The following ERGIC1 variants were observed in gnomAD, a reference collection of about 807,000 sequenced individuals.
ERGIC1 encodes endoplasmic reticulum-Golgi intermediate compartment protein 1.
Under a neutral mutation model 38.3 loss-of-function variants are expected in ERGIC1, and 19 were observed. The ratio of observed to expected loss-of-function variants is 0.50; its 90% CI spans 0.35 to 0.73. The LOEUF is 0.73. Ranked by LOEUF, ERGIC1 falls within the 30% of genes least tolerant of loss-of-function variation. The pLI, the probability that ERGIC1 is intolerant of heterozygous loss-of-function variation, is 0.01. For synonymous variants in ERGIC1, 124 were observed against 157.6 expected, an observed-to-expected ratio of 0.79 and a Z score of 1.60; for missense variants, 294 against 389.2, an observed-to-expected ratio of 0.76 and a Z score of 2.06.
rs1471366050 is a variant in ERGIC1 at position 172,935,267 on chromosome 5, A to G, written c.722A>G (p.Lys241Arg). 2.0e-5 allele frequency: 33 copies of G among 1,614,068 alleles called. No individual in the cohort carries two copies. Among genetic ancestry groups the G allele is most frequent in the Non-Finnish European group, 2.8e-5 (33 of 1,180,044 alleles). ...FRYDLSPITVKYTERRQPLYR... is the reference protein window; with the variant it reads ...FRYDLSPITVRYTERRQPLYR... ...TACGACCTCAGCCCCATCACGGTCA[A>G]GTACACAGAGAGACGGCAGCCGCTG... Residue 241 changes from lysine to arginine, a missense_variant, in exon 9 of 10, where the codon AAG becomes AGG. This residue lies in a region of ERGIC1 where 109 missense variants were observed against 112.7 expected (regional missense o/e 0.97). Transcript: ENST00000393784.
chr5:172,918,309 G>A lies in ERGIC1; in HGVS notation c.375+3471G>A, dbSNP rs1023166892. ...TACTTTGTAATCCTATGCATTTTAC[G>A]CATTAAAACATTTTAAGCATTTAAA... On this transcript the variant is annotated intron_variant, in intron 5 of 9. Coordinates refer to ENST00000393784, the MANE Select transcript of ERGIC1 (RefSeq NM_001031711.3). The A allele has an allele frequency of 2.0e-5, 3 of 152,194 alleles. No homozygotes were observed. The East Asian group carries it at 5.8e-4, about 29-fold the overall frequency. 9.4% of individuals were successfully genotyped at this position (152,194 alleles called of 1,614,324 possible). A position where few individuals can be genotyped will look rare whatever the true frequency, so the allele number is the denominator to read the frequency against.
In ERGIC1 at chr5:172,865,440, T is replaced by C. The variant is rs149526552; in HGVS notation, c.21-23259T>C. ...CCCAAATGTGGCTGATGACTTGGTT[T>C]TCTTTCTTTCTAAATGTTTAAGGAA... On this transcript the variant is annotated intron_variant, in intron 1 of 9. Transcript: ENST00000393784. Among the ~76,000 whole-genome samples, 171 of 152,360 alleles carry C rather than the reference T, an allele frequency of 1.1e-3. 1 individual carries two copies. Among genetic ancestry groups the C allele is most frequent in the African/African-American group, 3.6e-3 (150 of 41,588 alleles).
At position 172,905,262 on chromosome 5, in the gene ERGIC1, G is replaced by A. The variant is rs111629695; in HGVS notation, c.156-4405G>A. 622 of 287,042 alleles carry A rather than the reference G, an allele frequency of 2.2e-3. 2 individuals are homozygous for A. Among genetic ancestry groups the A allele is most frequent in the African/African-American group, 0.012 (558 of 46,206 alleles). The allele number at this position is 287,042 out of a possible 1,614,324, so 17.8% of individuals were successfully genotyped here. ...AGGGAAGCCCAGGCTCTCCTTAGTT[G>A]ACTGTGTGTTAATCACCCAGCAATT... On this transcript the variant is annotated intron_variant, in intron 3 of 9. Transcript: ENST00000393784.
intron 1 of ERGIC1, among the ~76,000 whole-genome samples, chr5:172,877,613 G>A (rs917824065): frequency 1.1e-4 from 16 of 151,624 alleles, no homozygotes; most frequent in Middle Eastern, 3.4e-3. Flanking sequence ...AGAATGCAGC[G>A]TTCTGCCTTG....
At position 172,846,743 on chromosome 5, in the gene ERGIC1, T is replaced by C. The variant is rs2113527502; in HGVS notation, c.20+12310T>C. Among the ~76,000 whole-genome samples the C allele has an allele frequency of 6.6e-6, 1 of 152,326 alleles. No homozygotes were observed. Among genetic ancestry groups the C allele is most frequent in the East Asian group, 1.9e-4 (1 of 5,186 alleles). ...TTGACCCAGAGTCTTTTAAGTCCCTTACAGTAGACAGTGGTGGGCCTGTCT... is the reference window on the plus strand; with the variant it reads ...TTGACCCAGAGTCTTTTAAGTCCCTCACAGTAGACAGTGGTGGGCCTGTCT... On this transcript the variant is annotated intron_variant, in intron 1 of 9. Transcript: ENST00000393784. This position sits in a 1 kb window ranked among gnomAD's most constrained non-coding sequence, Gnocchi z 4.0.
chr5:172,937,997 CA>C (rs1247788648), intron 9 of ERGIC1: 133 of 124,604 alleles, frequency 1.1e-3, no homozygotes, highest in Non-Finnish European at 8.6e-4. Flanking sequence ...GACTCCGTCT[CA>C]AAAAAAAAAA....
At chr5:172,888,987 T>C (rs900678524) in intron 2 of ERGIC1, among the ~76,000 whole-genome samples, 2 of 152,138 alleles carry the variant, frequency 1.3e-5, no homozygotes, top group Non-Finnish European at 2.9e-5. Context: ...AAAGAAATTG[T>C]CAAGAGTAGC....
intron 1 of ERGIC1, among the ~76,000 whole-genome samples, chr5:172,843,256 C>A (rs1356919779): frequency 6.6e-6 from 1 of 152,212 alleles, no homozygotes; most frequent in Non-Finnish European, 1.5e-5. Context: ...CAAATGTTTT[C>A]TTCCATTCTG....
intron 1 of ERGIC1, among the ~76,000 whole-genome samples, chr5:172,855,006 C>A (rs1761509319): frequency 6.6e-6 from 1 of 152,184 alleles, no homozygotes. Context: ...GAGGGGCCAC[C>A]TGGGACTCAC....
At chr5:172,935,466 G>A (rs1763869996) in intron 9 of ERGIC1, 156 bp downstream of exon 9, 4 of 899,418 alleles carry the variant, frequency 4.4e-6, no homozygotes, top group Non-Finnish European at 1.7e-6. Flanking sequence ...TCGACCCCAA[G>A]GATGCTGAGA....
chr5:172,864,409 C>T (rs532112514), intron 1 of ERGIC1, among the ~76,000 whole-genome samples: 1 of 150,850 alleles, frequency 6.6e-6, no homozygotes, highest in East Asian at 2.0e-4. Flanking sequence ...GCTGGGATTA[C>T]AGGCACGTAC....
chr5:172,879,447 G>A (rs547051336), intron 1 of ERGIC1, among the ~76,000 whole-genome samples: 1 of 152,356 alleles, frequency 6.6e-6, no homozygotes, highest in African/African-American at 2.4e-5. Context: ...GCGTGAGGAA[G>A]CTAGAGACGT....
At chr5:172,914,609 C>A in intron 4 of ERGIC1, 105 bp from the exon 5 acceptor site, 1 of 1,594,882 alleles carries the variant, frequency 6.3e-7, no homozygotes, top group Non-Finnish European at 8.6e-7. Context: ...CCCAGCCCGG[C>A]CTGCCCCTGC....
At chr5:172,900,738 G>GACATTTT (rs1158242015) in intron 3 of ERGIC1, among the ~76,000 whole-genome samples, 1 of 151,764 alleles carries the variant, frequency 6.6e-6, no homozygotes, top group Non-Finnish European at 1.5e-5. Context: ...AAAACATGAG[G>GACATTTT]ACATTTTTTG....
intron 1 of ERGIC1, among the ~76,000 whole-genome samples, chr5:172,885,911 A>C (rs1762406538): frequency 6.6e-6 from 1 of 152,116 alleles, no homozygotes. Flanking sequence ...CCAGCATTTG[A>C]GAATGGTGAA....
At chr5:172,897,428 C>CAAA (rs71310033) in intron 3 of ERGIC1, among the ~76,000 whole-genome samples, 13 of 109,960 alleles carry the variant, frequency 1.2e-4, no homozygotes, top group African/African-American at 1.7e-4. Flanking sequence ...GACCCTGTTT[C>CAAA]AAAAAAAAAA....
intron 7 of ERGIC1, among the ~76,000 whole-genome samples, chr5:172,928,682 G>A (rs1010451905): frequency 1.6e-5 from 1 of 60,790 alleles, no homozygotes; most frequent in East Asian, 2.6e-4. Flanking sequence ...GTATATGATC[G>A]ATGATAAGAG....
chr5:172,856,632 A>G (rs1435497950), intron 1 of ERGIC1, among the ~76,000 whole-genome samples: 2 of 152,180 alleles, frequency 1.3e-5, no homozygotes, highest in African/African-American at 4.8e-5. Context: ...GCTCAGGAAG[A>G]AAAATAAGAT....
intron 3 of ERGIC1, among the ~76,000 whole-genome samples, chr5:172,903,702 T>G (rs965682902): frequency 1.3e-5 from 2 of 152,238 alleles, no homozygotes; most frequent in African/African-American, 4.8e-5. Flanking sequence ...GCTCTTGTTC[T>G]CATTTGATCT....
Sources: gnomAD v4.1 joint callset for allele counts (sites outside exome capture counted in the v4.1 genomes callset) on GRCh38, gnomAD v4.1.1 for gene constraint, gnomAD v4.1.1 regional missense constraint, Gnocchi (gnomAD v3.1) non-coding constraint, MANE v1.5 for transcripts, NCBI Gene and HGNC (gene_info 2026-07-23, HGNC 2026-07-21) for gene names.